The following KIDINS220 variants were observed in gnomAD, a reference collection of about 807,000 sequenced individuals.
KIDINS220 encodes the protein kinase D interacting substrate 220, also known as kinase D-interacting substrate of 220 kDa.
KIDINS220 carries 63 observed loss-of-function variants against 157.6 expected under a neutral mutation model. That is an observed-to-expected ratio of 0.40 (90% CI 0.33 to 0.49). The LOEUF (loss-of-function observed/expected upper bound fraction) is 0.49. KIDINS220 is among the 20% of genes least tolerant of loss of function. The pLI is 0.66. For synonymous variants in KIDINS220, 732 were observed against 783.6 expected (o/e 0.93, Z 1.10); for missense variants, 1,772 against 2,171.2 (o/e 0.82, Z 3.65).
intron 22 of KIDINS220, among the ~76,000 whole-genome samples, chr2:8,766,894 C>T (rs1198023338): frequency 6.6e-6 from 1 of 152,136 alleles, no homozygotes; most frequent in African/African-American, 2.4e-5. Flanking sequence ...TCTCAATTGT[C>T]CAATTTTCAC....
At chr2:8,796,279 A>G (rs1673905459) in intron 11 of KIDINS220, among the ~76,000 whole-genome samples, 1 of 152,244 alleles carries the variant, frequency 6.6e-6, no homozygotes, top group African/African-American at 2.4e-5. Context: ...CTAAAATGAA[A>G]AATCAAATCT....
chr2:8,747,335 T>C, intron 25 of KIDINS220, 134 bp from the exon 26 acceptor site: 1 of 741,760 alleles, frequency 1.3e-6, no homozygotes, highest in Non-Finnish European at 2.4e-6. Flanking sequence ...TCCTGATTTA[T>C]AAAAACATAT....
At chr2:8,750,555 C>G (rs1045253101) in intron 23 of KIDINS220, among the ~76,000 whole-genome samples, 1 of 152,158 alleles carries the variant, frequency 6.6e-6, no homozygotes. Flanking sequence ...TTTCACCATT[C>G]GAAGTCACCA....
chr2:8,779,254 C>A, intron 18 of KIDINS220, 115 bp from the exon 19 acceptor site: 2 of 1,319,356 alleles, frequency 1.5e-6, no homozygotes, highest in South Asian at 2.9e-5. Context: ...ACTACTATTT[C>A]TTTTCATCAA....
chr2:8,824,553 C>T (rs1678464965), intron 2 of KIDINS220, among the ~76,000 whole-genome samples: 2 of 152,038 alleles, frequency 1.3e-5, no homozygotes, highest in African/African-American at 4.8e-5. Context: ...TGGTGGTGCA[C>T]ACCTGTGTCC....
At position 8,782,006 on chromosome 2, in the gene KIDINS220, C is replaced by T. The variant is rs574827203; in HGVS notation, c.2230-2192G>A. On this transcript the variant is annotated intron_variant, in intron 17 of 29. Transcript: ENST00000256707. ...CGTGTAGCCTGTGGTCCCAGCTACT[C>T]GGCAGGCTGAGGTGGGAGGATCCCT... 2.0e-5 allele frequency among the ~76,000 whole-genome samples: 3 copies of T among 151,838 alleles called. No individual in the cohort carries two copies. In the East Asian group the frequency reaches 5.8e-4, roughly 29 times the overall value.
At chr2:8,748,131 A>G in intron 24 of KIDINS220, 131 bp from the exon 25 acceptor site, 1 of 449,906 alleles carries the variant, frequency 2.2e-6, no homozygotes, top group South Asian at 6.4e-5. Context: ...AAGAAAAAAA[A>G]GCCTCACTCA....
chr2:8,730,815 T>A lies in KIDINS220; in HGVS notation c.5221A>T (p.Ser1741Cys). ...GGATCTTTGGAGAGCCTTGTGTAACTTGAACGTTGGCTTCGCTTATGTGTC... is the reference window on the plus strand; with the variant it reads ...GGATCTTTGGAGAGCCTTGTGTAACATGAACGTTGGCTTCGCTTATGTGTC... Reference protein sequence around the residue: ...SMTHKRSQRSSYTRLSKDPPE... With the variant: ...SMTHKRSQRSCYTRLSKDPPE... Residue 1741 changes from serine to cysteine, a missense_variant, in exon 30 of 30, where the codon AGT becomes TGT. Transcript: ENST00000256707. The A allele has an allele frequency of 6.2e-7, 1 of 1,614,258 alleles. No individual in the cohort carries two copies. The highest frequency in any genetic ancestry group is 8.5e-7 in the Non-Finnish European group (1 of 1,180,048).
In KIDINS220 at chr2:8,733,538, C is replaced by T; in HGVS notation, c.3959G>A (p.Ser1320Asn). 1.2e-6 allele frequency: 2 copies of T among 1,614,102 alleles called. No individual in the cohort carries two copies. Among genetic ancestry groups the T allele is most frequent in the Non-Finnish European group, 1.7e-6 (2 of 1,180,026 alleles). The change falls in exon 29 of 30, where the codon AGC becomes AAC. Residue 1320 changes from serine to asparagine, a missense_variant. Around this residue, in one of 3 missense-constraint regions of KIDINS220, gnomAD observed 793 missense variants for 885.5 expected, o/e 0.90. Coordinates refer to ENST00000256707, the MANE Select transcript of KIDINS220 (RefSeq NM_020738.4). ...GAAGTTGAGTGTGTAGGGCGTCTGG[C>T]TGGAGAGCTCGGTGTGAGGCAGCTC... Reference protein sequence around the residue: ...HNELPHTELSSQTPYTLNFSF... With the variant: ...HNELPHTELSNQTPYTLNFSF...
intron 1 of KIDINS220, among the ~76,000 whole-genome samples, chr2:8,828,025 C>A (rs1467108154): frequency 6.6e-6 from 1 of 152,092 alleles, no homozygotes; most frequent in East Asian, 1.9e-4. Flanking sequence ...AGAGCATGGC[C>A]TCTTTTATTC....
intron 26 of KIDINS220, among the ~76,000 whole-genome samples, chr2:8,742,475 C>G (rs1001422507): frequency 2.6e-5 from 4 of 152,146 alleles, no homozygotes; most frequent in Admixed American, 1.3e-4. Context: ...GTTTTAATAT[C>G]TTCATTCAAT....
At chr2:8,837,275 G>C (rs1213321554) in intron 1 of KIDINS220, among the ~76,000 whole-genome samples, 2 of 152,086 alleles carry the variant, frequency 1.3e-5, no homozygotes, top group Non-Finnish European at 2.9e-5. Context: ...AGGAAACGCG[G>C]ACTCGCCCCG....
In KIDINS220 at chr2:8,800,424, A is replaced by G. The variant is rs755294265; in HGVS notation, c.876T>C (p.Tyr292=). Residue 292 remains tyrosine (Y), a synonymous_variant, in exon 9 of 30, where the codon TAT becomes TAC. Coordinates refer to ENST00000256707, the MANE Select transcript of KIDINS220 (RefSeq NM_020738.4). ...CCTGTCCTCTAATGTCTATATCAGC[A>G]TATTTTTGGAGAAGCGCTCGAACAA... ...VEIVRALLQK[Y]ADIDIRGQDN... 7.4e-6 allele frequency: 12 copies of G among 1,613,160 alleles called. No individual in the cohort carries two copies. Among genetic ancestry groups the G allele is most frequent in the Non-Finnish European group, 1.0e-5 (12 of 1,179,558 alleles).
At chr2:8,800,569 G>C in intron 8 of KIDINS220, 71 bp from the exon 9 acceptor site, 2 of 1,035,150 alleles carry the variant, frequency 1.9e-6, no homozygotes, top group Non-Finnish European at 2.9e-6. Flanking sequence ...TTAAGTTACA[G>C]TTAATCATGT....
chr2:8,727,169 G>C (rs559956169), downstream of KIDINS220: 3 of 1,160,380 alleles, frequency 2.6e-6, no homozygotes, highest in Non-Finnish European at 3.2e-6. Flanking sequence ...CTCAAAACGC[G>C]ATAGTCTCAG....
In KIDINS220 at chr2:8,791,054, C is replaced by G; in HGVS notation, c.1441+6G>C. On this transcript the variant is annotated splice_donor_region_variant and intron_variant, in intron 13 of 29. Coordinates refer to ENST00000256707, the MANE Select transcript of KIDINS220 (RefSeq NM_020738.4). ...TATACAGACTTTGTACAAGCAAGCCCTTTACCTTCTAGTTTCTTGAGTAAG... is the reference window on the plus strand; with the variant it reads ...TATACAGACTTTGTACAAGCAAGCCGTTTACCTTCTAGTTTCTTGAGTAAG... 6.2e-7 allele frequency: 1 copy of G among 1,611,650 alleles called. No homozygotes were observed. The highest frequency in any genetic ancestry group is 8.5e-7 in the Non-Finnish European group (1 of 1,178,872).
intron 2 of KIDINS220, among the ~76,000 whole-genome samples, chr2:8,821,326 G>A (rs1021438553): frequency 2.5e-4 from 38 of 151,608 alleles, no homozygotes; most frequent in South Asian, 8.3e-4. Flanking sequence ...GGCTTGTTGC[G>A]GGTGGCAATG....
chr2:8,825,586 T>C (rs1039186464), intron 2 of KIDINS220, among the ~76,000 whole-genome samples: 6 of 152,050 alleles, frequency 3.9e-5, no homozygotes, highest in Non-Finnish European at 5.9e-5. Context: ...TAAGTATATA[T>C]ACATACACAT....
At chr2:8,763,027 A>T (rs1401330478) in intron 22 of KIDINS220, among the ~76,000 whole-genome samples, 1 of 152,226 alleles carries the variant, frequency 6.6e-6, no homozygotes, top group Non-Finnish European at 1.5e-5. Context: ...CTGCAGAAAA[A>T]TTTCTATCTG....
Sources: allele counts gnomAD v4.1 joint callset (sites outside exome capture counted in the v4.1 genomes callset), GRCh38; gene constraint gnomAD v4.1.1; regional missense constraint gnomAD v4.1.1; transcripts MANE v1.5; gene names NCBI Gene and HGNC (gene_info 2026-07-23, HGNC 2026-07-21).